MICA: variants seen among roughly 807,000 people sequenced by gnomAD.
MICA encodes the protein MHC class I polypeptide-related sequence A.
MICA carries 18 observed loss-of-function variants against 34.3 expected under a neutral mutation model. The observed-to-expected ratio is 0.52, with a 90% confidence interval of 0.36 to 0.78. MICA has a LOEUF of 0.78. MICA is among the 30% of genes least tolerant of loss of function. The pLI is 0.00. For synonymous variants in MICA, 135 were observed against 156.9 expected (o/e 0.86, Z 1.04); for missense variants, 333 against 409.4 (o/e 0.81, Z 1.61).
chr6:31,410,869 C>A, intron 2 of MICA, 72 bp downstream of exon 2: 1 of 1,504,864 alleles, frequency 6.6e-7, no homozygotes, highest in South Asian at 1.3e-5. Context: ...GAGCAGGGAC[C>A]TGTCTCTTCC....
chr6:31,408,866 G>A (rs777405772), intron 1 of MICA, among the ~76,000 whole-genome samples: 2 of 151,688 alleles, frequency 1.3e-5, no homozygotes, highest in African/African-American at 2.4e-5. Context: ...TTAGCCGGGC[G>A]TGATGGCGGG....
In MICA at chr6:31,403,825, G is replaced by A. The variant is rs1439458178; in HGVS notation, c.70+123G>A. The A allele has an allele frequency of 2.2e-6, 2 of 889,022 alleles. No homozygotes were observed. Among genetic ancestry groups the A allele is most frequent in the African/African-American group, 1.8e-5 (1 of 55,284 alleles). The allele number at this position is 889,022 out of a possible 1,614,324, so 55.1% of individuals were successfully genotyped here. A position where few individuals can be genotyped will look rare whatever the true frequency, so the allele number is the denominator to read the frequency against. Reference sequence around the variant, plus strand: ...GCTCCTGTGCCCTGTCGGTGGCGCAGGGAGCTGGACGCGGCCCGTTACCGC... The same window carrying A: ...GCTCCTGTGCCCTGTCGGTGGCGCAAGGAGCTGGACGCGGCCCGTTACCGC... On this transcript the variant is annotated intron_variant, in intron 1 of 5. Coordinates refer to ENST00000449934, the MANE Select transcript of MICA (RefSeq NM_001177519.3). This position sits in a 1 kb window ranked among gnomAD's most constrained non-coding sequence, Gnocchi z 4.7.
intron 1 of MICA, among the ~76,000 whole-genome samples, chr6:31,404,523 C>T (rs1770638292): frequency 6.6e-6 from 1 of 151,758 alleles, no homozygotes; most frequent in African/African-American, 2.4e-5. Context: ...CCTCTGCCCT[C>T]ATCCCCTGTC....
At chr6:31,410,425 C>G in intron 1 of MICA, 118 bp from the exon 2 acceptor site, 1 of 1,306,736 alleles carries the variant, frequency 7.7e-7, no homozygotes, top group East Asian at 2.4e-5. Flanking sequence ...TCGTTCTTGT[C>G]CCTTTGCCCG....
At position 31,403,749 on chromosome 6, in the gene MICA, C is replaced by T. The variant is rs976248221; in HGVS notation, c.70+47C>T. 3 of 1,502,556 alleles carry T rather than the reference C, an allele frequency of 2.0e-6. No individual in the cohort carries two copies. The highest frequency in any genetic ancestry group is 2.2e-5 in the Admixed American group (1 of 45,848). 93.1% of individuals were successfully genotyped at this position (1,502,556 alleles called of 1,614,324 possible). A position where few individuals can be genotyped will look rare whatever the true frequency, so the allele number is the denominator to read the frequency against. ...CCTCGGCGGAGCGGGAGCAGTGGGACGTTTCCGGGGGTCGGGTGGGTAGCG... is the reference window on the plus strand; with the variant it reads ...CCTCGGCGGAGCGGGAGCAGTGGGATGTTTCCGGGGGTCGGGTGGGTAGCG... On this transcript the variant is annotated intron_variant, in intron 1 of 5. Coordinates refer to ENST00000449934, the MANE Select transcript of MICA (RefSeq NM_001177519.3). The surrounding 1 kb of genome is among the most constrained non-coding windows in gnomAD (Gnocchi z 4.7).
chr6:31,403,759 G>A lies in MICA; in HGVS notation c.70+57G>A. ...GCGGGAGCAGTGGGACGTTTCCGGG[G>A]GTCGGGTGGGTAGCGGCGAGCGCTG... On this transcript the variant is annotated intron_variant, in intron 1 of 5. Transcript: ENST00000449934. This position sits in a 1 kb window ranked among gnomAD's most constrained non-coding sequence, Gnocchi z 4.7. 1.3e-6 allele frequency: 2 copies of A among 1,483,656 alleles called. No homozygotes were observed. 91.9% of individuals were successfully genotyped at this position (1,483,656 alleles called of 1,614,324 possible). A position where few individuals can be genotyped will look rare whatever the true frequency, so the allele number is the denominator to read the frequency against.
In MICA at chr6:31,411,900, C is replaced by T. The variant is rs1771176933; in HGVS notation, c.614-47C>T. ...AGAAACAGCCCTGTTCCTCTCCCCT[C>T]CTTAGAGGGGAGCAGGGCTTCACTG... On this transcript the variant is annotated intron_variant, in intron 3 of 5. Coordinates refer to ENST00000449934, the MANE Select transcript of MICA (RefSeq NM_001177519.3). The surrounding 1 kb of genome is among the most constrained non-coding windows in gnomAD (Gnocchi z 4.3). 6.3e-7 allele frequency: 1 copy of T among 1,585,172 alleles called. No individual in the cohort carries two copies.
chr6:31,407,340 T>G (rs2844517), intron 1 of MICA, among the ~76,000 whole-genome samples: 51,148 of 151,670 alleles, frequency 0.34, 9,305 homozygotes, highest in Middle Eastern at 0.44. Flanking sequence ...AGGTTCAAGC[T>G]ATTCTTCTGC....
At position 31,403,843 on chromosome 6, in the gene MICA, G is replaced by A; in HGVS notation, c.70+141G>A. On this transcript the variant is annotated intron_variant, in intron 1 of 5. Transcript: ENST00000449934. The surrounding 1 kb of genome is among the most constrained non-coding windows in gnomAD (Gnocchi z 4.7). The stretch of plus-strand genomic sequence containing the variant: ...TGGCGCAGGGAGCTGGACGCGGCCC[G>A]TTACCGCCACACTTCAGCCCTGCTT... The A allele has an allele frequency of 2.8e-6, 2 of 719,104 alleles. No individual in the cohort carries two copies. Among genetic ancestry groups the A allele is most frequent in the East Asian group, 3.3e-5 (1 of 30,462 alleles). The allele number at this position is 719,104 out of a possible 1,614,324, so 44.5% of individuals were successfully genotyped here.
intron 1 of MICA, among the ~76,000 whole-genome samples, chr6:31,408,671 A>G (rs1770883925): frequency 1.3e-5 from 2 of 151,702 alleles, no homozygotes. Context: ...GAATCATGTA[A>G]TGTTTGTCTT....
Position 31,410,574 on chromosome 6 carries a change from G to A in MICA, c.102G>A (p.Val34=), listed in dbSNP as rs1471380935. The A allele has an allele frequency of 1.7e-5, 28 of 1,613,168 alleles. No homozygotes were observed. The highest frequency in any genetic ancestry group is 2.3e-5 in the Non-Finnish European group (27 of 1,179,952). The change falls in exon 2 of 6, where the codon GTG becomes GTA. Residue 34 remains valine, a synonymous_variant. Transcript: ENST00000449934. ...EPHSLRYNLT[V]LSWDGSVQSG... is the part of the protein sequence containing the mutation. ...ACAGTCTTCGTTATAACCTCACGGT[G>A]CTGTCCTGGGATGGATCTGTGCAGT...
chr6:31,410,895 AG>A, intron 2 of MICA, 98 bp downstream of exon 2: 1 of 1,481,884 alleles, frequency 6.7e-7, no homozygotes, highest in South Asian at 1.4e-5. Flanking sequence ...GATCTGGCTC[AG>A]GCTGGGGGTG....
At position 31,408,421 on chromosome 6, in the gene MICA, A is replaced by T. The variant is rs180859827; in HGVS notation, c.71-2122A>T. ...TTTCAGAACAGTTTGAATAGGACTG[A>T]CATATGTTGTTCTTTAAAAGTTTAA... On this transcript the variant is annotated intron_variant, in intron 1 of 5. Coordinates refer to ENST00000449934, the MANE Select transcript of MICA (RefSeq NM_001177519.3). 5.0e-3 allele frequency among the ~76,000 whole-genome samples: 754 copies of T among 152,066 alleles called. 13 individuals are homozygous for T. Among genetic ancestry groups the T allele is most frequent in the African/African-American group, 0.018 (736 of 41,432 alleles).
upstream of MICA, among the ~76,000 whole-genome samples, chr6:31,401,358 T>C (rs556021234): frequency 1.2e-3 from 189 of 152,012 alleles, 2 homozygotes; most frequent in African/African-American, 4.5e-3. Context: ...CATTACATTT[T>C]CATCCACAGA....
chr6:31,405,542 C>A (rs1770703490), intron 1 of MICA, among the ~76,000 whole-genome samples: 1 of 151,740 alleles, frequency 6.6e-6, no homozygotes, highest in African/African-American at 2.4e-5. Flanking sequence ...TCACAACAAG[C>A]ATTTATCCTT....
Position 31,406,272 on chromosome 6 carries a change from C to A in MICA, c.70+2570C>A, listed in dbSNP as rs116579948. Among the ~76,000 whole-genome samples the A allele has an allele frequency of 3.5e-3, 532 of 151,660 alleles. 11 individuals are homozygous for A. The highest frequency in any genetic ancestry group is 0.012 in the African/African-American group (512 of 41,214). ...GTTTATCTGGGGTGGGATGTTATCTCGTAGGAGTTTTGATTTGCCTTCATC... is the reference window on the plus strand; with the variant it reads ...GTTTATCTGGGGTGGGATGTTATCTAGTAGGAGTTTTGATTTGCCTTCATC... On this transcript the variant is annotated intron_variant, in intron 1 of 5. Coordinates refer to ENST00000449934, the MANE Select transcript of MICA (RefSeq NM_001177519.3).
chr6:31,405,959 A>G (rs1482918228), intron 1 of MICA, among the ~76,000 whole-genome samples: 2 of 151,902 alleles, frequency 1.3e-5, no homozygotes, highest in East Asian at 1.9e-4. Flanking sequence ...GGACACTTAG[A>G]TTGCTTGCAG....
upstream of MICA, chr6:31,400,711 C>T (rs930301105): frequency 3.3e-5 from 5 of 152,480 alleles, no homozygotes; most frequent in Admixed American, 6.6e-5. Flanking sequence ...CTTTCTTTTC[C>T]GGACCCTGCA....
chr6:31,410,755 G>T lies in MICA; in HGVS notation c.283G>T (p.Asp95Tyr). 6.3e-7 allele frequency: 1 copy of T among 1,589,034 alleles called. No homozygotes were observed. Among genetic ancestry groups the T allele is most frequent in the Non-Finnish European group, 8.6e-7 (1 of 1,167,846 alleles). ...CAGGGACTTGACAGGGAACGGAAAG[G>T]ACCTCAGGATGACCCTGGCTCATAT... ...ETRDLTGNGK[D>Y]LRMTLAHIKD... The change falls in exon 2 of 6, where the codon GAC becomes TAC. Residue 95 changes from aspartate (D) to tyrosine (Y), a missense_variant. Physicochemically the swap from Asp to Tyr is radical, Grantham distance 160 (BLOSUM62 -3). Transcript: ENST00000449934.
Sources: gnomAD v4.1 joint callset for allele counts (sites outside exome capture counted in the v4.1 genomes callset) on GRCh38, gnomAD v4.1.1 for gene constraint, Gnocchi (gnomAD v3.1) non-coding constraint, MANE v1.5 for transcripts, NCBI Gene and HGNC (gene_info 2026-07-23, HGNC 2026-07-21) for gene names.